The following DPM1 variants were observed in gnomAD, a reference collection of about 807,000 sequenced individuals.
DPM1 encodes dolichol-phosphate mannosyltransferase subunit 1.
Under a neutral mutation model 39.0 loss-of-function variants are expected in DPM1, and 27 were observed. The ratio of observed to expected loss-of-function variants is 0.69; its 90% confidence interval spans 0.51 to 0.95. The LOEUF (loss-of-function observed/expected upper bound fraction) is 0.95, where lower values mean the gene tolerates loss of function less well. DPM1 is among the 40% of genes least tolerant of loss of function. DPM1 has a pLI of 0.00. For synonymous variants in DPM1, 124 were observed against 109.0 expected (o/e 1.14, Z -0.86); for missense variants, 307 against 315.6 (o/e 0.97, Z 0.21).
intron 3 of DPM1, 109 bp from the exon 4 acceptor site, chr20:50,946,032 A>C: frequency 2.2e-6 from 2 of 919,156 alleles, no homozygotes; most frequent in Non-Finnish European, 3.5e-6. Context: ...TAGTTCTCTA[A>C]AAGTCAGATT....
intron 7 of DPM1, among the ~76,000 whole-genome samples, chr20:50,938,232 G>T (rs1263832383): frequency 6.6e-6 from 1 of 151,974 alleles, no homozygotes; most frequent in East Asian, 1.9e-4. Flanking sequence ...GCCTTTCCAG[G>T]ATTCCTTTTC....
In DPM1 at chr20:50,942,086, G is replaced by C; in HGVS notation, c.439C>G (p.Arg147Gly). 1 of 1,613,944 alleles carries C rather than the reference G, an allele frequency of 6.2e-7. No homozygotes were observed. The highest frequency in any genetic ancestry group is 1.1e-5 in the South Asian group (1 of 91,062). Residue 147 changes from arginine to glycine, a missense_variant, in exon 6 of 9, where the codon CGC (arginine) becomes GGC (glycine). This residue lies in a region of DPM1 where 206 missense variants were observed against 188.2 expected (regional missense o/e 1.09). Coordinates refer to ENST00000371588, the MANE Select transcript of DPM1 (RefSeq NM_003859.3). ...TATACACCTCCATTTCCTTTGTAGC[G>C]AGTTCCAGAGACAATATCAAAATTA... is the stretch of plus-strand genomic sequence containing the variant. ...EGNFDIVSGT[R>G]YKGNGGVYGW...
chr20:50,955,155 C>T, intron 2 of DPM1, 31 bp downstream of exon 2: 2 of 1,470,614 alleles, frequency 1.4e-6, no homozygotes, highest in African/African-American at 1.4e-5. Context: ...AATCACAATT[C>T]ATATCACAGA....
chr20:50,939,904 C>T (rs1049475808), intron 7 of DPM1, among the ~76,000 whole-genome samples: 1 of 152,234 alleles, frequency 6.6e-6, no homozygotes, highest in East Asian at 1.9e-4. Flanking sequence ...CAAGCCACTG[C>T]CCATCCACCA....
intron 3 of DPM1, among the ~76,000 whole-genome samples, chr20:50,947,307 G>C (rs919983794): frequency 6.6e-6 from 1 of 152,236 alleles, no homozygotes; most frequent in African/African-American, 2.4e-5. Flanking sequence ...GCAGGCAGGG[G>C]TTGCAGTGAG....
chr20:50,941,948 A>T (rs1027910660), intron 6 of DPM1, 83 bp downstream of exon 6: 11 of 1,178,346 alleles, frequency 9.3e-6, no homozygotes, highest in Non-Finnish European at 1.3e-5. Context: ...AATCCCGGGC[A>T]GCATGATAGC....
intron 3 of DPM1, among the ~76,000 whole-genome samples, chr20:50,948,136 A>G (rs1321814095): frequency 6.6e-6 from 1 of 152,096 alleles, no homozygotes; most frequent in Non-Finnish European, 1.5e-5. Flanking sequence ...GGAGGGGAAA[A>G]GGGAAAAGTC....
chr20:50,942,759 G>A (rs1426120498), intron 5 of DPM1, among the ~76,000 whole-genome samples: 4 of 152,188 alleles, frequency 2.6e-5, no homozygotes, highest in Non-Finnish European at 1.5e-5. Context: ...CTGATGTCCT[G>A]CCACACTTTT....
intron 1 of DPM1, among the ~76,000 whole-genome samples, chr20:50,956,032 A>G (rs1986807351): frequency 6.6e-6 from 1 of 152,246 alleles, no homozygotes; most frequent in East Asian, 1.9e-4. Flanking sequence ...TATAAATCTG[A>G]TTTAATTTCA....
At chr20:50,938,570 C>T (rs757708742) in intron 7 of DPM1, among the ~76,000 whole-genome samples, 28 of 151,260 alleles carry the variant, frequency 1.9e-4, no homozygotes, top group Admixed American at 3.9e-4. Context: ...TTTTAGTAGA[C>T]GGGGTATCAC....
intron 7 of DPM1, among the ~76,000 whole-genome samples, chr20:50,939,080 A>G (rs117820637): frequency 6.6e-6 from 1 of 152,324 alleles, no homozygotes; most frequent in East Asian, 1.9e-4. Context: ...TGCTGTCAAT[A>G]CATGAAAATC....
chr20:50,935,295 G>A, intron 8 of DPM1, 59 bp from the exon 9 acceptor site: 1 of 1,016,548 alleles, frequency 9.8e-7, no homozygotes, highest in South Asian at 1.3e-5. Flanking sequence ...AGCTTAGCCG[G>A]TATACCACAT....
intron 2 of DPM1, 74 bp downstream of exon 2, chr20:50,955,112 A>T: frequency 9.0e-7 from 1 of 1,115,200 alleles, no homozygotes; most frequent in Non-Finnish European, 1.4e-6. Context: ...GATTGAATTT[A>T]AGCATTGTTC....
At chr20:50,936,422 C>T (rs1405189313) in intron 7 of DPM1, among the ~76,000 whole-genome samples, 160 bp from the exon 8 acceptor site, 1 of 152,102 alleles carries the variant, frequency 6.6e-6, no homozygotes, top group African/African-American at 2.4e-5. Flanking sequence ...ATACATTTGT[C>T]CTAAGCAAGA....
intron 2 of DPM1, among the ~76,000 whole-genome samples, chr20:50,949,242 T>C (rs1226962507): frequency 1.3e-5 from 2 of 152,240 alleles, no homozygotes; most frequent in African/African-American, 2.4e-5. Flanking sequence ...ATTTTAAATA[T>C]GTCTTTACAT....
intron 2 of DPM1, among the ~76,000 whole-genome samples, chr20:50,950,648 C>G (rs530863763): frequency 3.3e-5 from 5 of 152,216 alleles, no homozygotes; most frequent in South Asian, 2.1e-4. Flanking sequence ...GCGGGTGAAT[C>G]ATTTGAGGTC....
Position 50,941,258 on chromosome 20 carries a change from AT to A in DPM1, c.495-326del, listed in dbSNP as rs1568762585. 1,324 of 172,974 alleles carry A rather than the reference AT, an allele frequency of 7.7e-3. 75 individuals are homozygous for A. Among genetic ancestry groups the A allele is most frequent in the African/African-American group, 0.035 (1,236 of 35,400 alleles). 10.7% of individuals were successfully genotyped at this position (172,974 alleles called of 1,614,324 possible). ...TATATATATATATATATATATATAT[AT>A]ATATAAATAAAATACATTCATATAA... On this transcript the variant is annotated intron_variant, in intron 6 of 8. Transcript: ENST00000371588.
rs11480415 is a variant in DPM1, at chr20:50,935,242, T to TA, written c.679-7_679-6insT. On this transcript the variant is annotated splice_polypyrimidine_tract_variant and splice_region_variant and intron_variant, in intron 8 of 8. Coordinates refer to ENST00000371588, the MANE Select transcript of DPM1 (RefSeq NM_003859.3). ...TCCACAAATGATATTGGAACCTAGT[T>TA]TAAAAAAAAAAAAGTAACGTTAGTC... 0.026 allele frequency: 39,415 copies of TA among 1,541,218 alleles called. 1,645 individuals carry two copies. In the African/African-American group the frequency reaches 0.29, roughly 11 times the overall value.
At chr20:50,955,564 G>A (rs1216577114) in intron 1 of DPM1, among the ~76,000 whole-genome samples, 2 of 152,096 alleles carry the variant, frequency 1.3e-5, no homozygotes, top group South Asian at 2.1e-4. Context: ...AATGACCTAT[G>A]TATCATATGA....
Sources: allele counts gnomAD v4.1 joint callset (sites outside exome capture counted in the v4.1 genomes callset), GRCh38; gene constraint gnomAD v4.1.1; regional missense constraint gnomAD v4.1.1; transcripts MANE v1.5; gene names NCBI Gene and HGNC (gene_info 2026-07-23, HGNC 2026-07-21).